The following SPAG16 variants were observed in gnomAD, a reference collection of about 807,000 sequenced individuals.
The protein encoded by SPAG16 is sperm-associated antigen 16 protein.
In SPAG16, 86 loss-of-function variants were observed where a neutral mutation model predicts 80.4. The ratio of observed to expected loss-of-function variants is 1.07; its 90% CI spans 0.90 to 1.28. The LOEUF (loss-of-function observed/expected upper bound fraction) is 1.28. Ranked by LOEUF, SPAG16 falls within the 50% of genes most tolerant of loss-of-function variation. SPAG16 has a pLI of 0.00. For missense variants in SPAG16, 870 were observed against 765.3 expected (o/e 1.14, Z -1.61); for synonymous variants, 294 against 265.9 (o/e 1.11, Z -1.03).
chr2:213,961,241 G>A (rs1430694384), intron 12 of SPAG16, among the ~76,000 whole-genome samples: 1 of 152,018 alleles, frequency 6.6e-6, no homozygotes, highest in Non-Finnish European at 1.5e-5. Context: ...ATTGATATTT[G>A]TATATTGCTC....
At chr2:214,273,592 G>T (rs986931499) in intron 15 of SPAG16, among the ~76,000 whole-genome samples, 1 of 152,040 alleles carries the variant, frequency 6.6e-6, no homozygotes, top group Non-Finnish European at 1.5e-5. Flanking sequence ...GTTTGTCAAA[G>T]ATCAGATTAT....
intron 13 of SPAG16, among the ~76,000 whole-genome samples, chr2:214,047,181 C>A (rs1166916467): frequency 6.6e-6 from 1 of 151,996 alleles, no homozygotes; most frequent in Non-Finnish European, 1.5e-5. Flanking sequence ...ATAGAAAAAA[C>A]AGTCCTAATA....
At chr2:214,157,325 G>C (rs893949911) in intron 15 of SPAG16, among the ~76,000 whole-genome samples, 13 of 151,980 alleles carry the variant, frequency 8.6e-5, no homozygotes, top group Admixed American at 2.0e-4. Context: ...GTAAAAGTCA[G>C]AATTGCATTT....
At chr2:213,338,069 C>T (rs1447976537) in intron 5 of SPAG16, among the ~76,000 whole-genome samples, 1 of 152,186 alleles carries the variant, frequency 6.6e-6, no homozygotes, top group African/African-American at 2.4e-5. Flanking sequence ...CAATATTCGA[C>T]ACTCTTAAAA....
intron 5 of SPAG16, among the ~76,000 whole-genome samples, chr2:213,320,258 A>G (rs1335470244): frequency 1.3e-5 from 2 of 151,994 alleles, no homozygotes; most frequent in Admixed American, 6.6e-5. Flanking sequence ...ATAATTGTAC[A>G]TGTGATATTT....
chr2:213,482,833 G>T, intron 9 of SPAG16, among the ~76,000 whole-genome samples: 1 of 152,068 alleles, frequency 6.6e-6, no homozygotes, highest in East Asian at 1.9e-4. Context: ...ATATTAAATA[G>T]ATAAGCCATT....
chr2:213,882,884 T>A (rs2076399534), intron 11 of SPAG16, among the ~76,000 whole-genome samples: 1 of 152,216 alleles, frequency 6.6e-6, no homozygotes, highest in Non-Finnish European at 1.5e-5. Context: ...TGTTTTTGTT[T>A]TTTTGAGACG....
At position 213,858,850 on chromosome 2, in the gene SPAG16, T is replaced by C. The variant is rs568471750; in HGVS notation, c.1071-3635T>C. Among the ~76,000 whole-genome samples the C allele has an allele frequency of 6.6e-5, 10 of 152,158 alleles. 2 individuals are homozygous for C. Among genetic ancestry groups the C allele is most frequent in the African/African-American group, 2.4e-4 (10 of 41,524 alleles). Reference sequence around the variant, plus strand: ...TGGAATCAATGATTATTAAGTATTGTTCTACATTTATTTTTAGAGACCTCT... The same window carrying C: ...TGGAATCAATGATTATTAAGTATTGCTCTACATTTATTTTTAGAGACCTCT... On this transcript the variant is annotated intron_variant, in intron 10 of 15. Transcript: ENST00000331683.
intron 15 of SPAG16, among the ~76,000 whole-genome samples, chr2:214,350,325 G>T (rs1197073217): frequency 1.3e-5 from 2 of 152,052 alleles, no homozygotes; most frequent in African/African-American, 4.8e-5. Context: ...CTTTGATATT[G>T]TCCCACAGGG....
intron 11 of SPAG16, 67 bp from the exon 12 acceptor site, chr2:213,929,892 AG>A: frequency 7.3e-7 from 1 of 1,376,680 alleles, no homozygotes; most frequent in Non-Finnish European, 1.0e-6. Flanking sequence ...AATTACTCAT[AG>A]AATGCAGTAT....
chr2:213,724,789 AAAAAAAAAAAAAG>A (rs2066686260), intron 10 of SPAG16, among the ~76,000 whole-genome samples: 8 of 129,378 alleles, frequency 6.2e-5, no homozygotes, highest in South Asian at 5.3e-4. Context: ...AAAAAAAAAA[AAAAAAAAAAAAAG>A]AAAAAAGGAT....
chr2:213,564,928 A>C (rs1419321675), intron 10 of SPAG16, among the ~76,000 whole-genome samples: 1 of 152,240 alleles, frequency 6.6e-6, no homozygotes, highest in African/African-American at 2.4e-5. Flanking sequence ...TGCACATTTA[A>C]TTACATCACA....
Position 213,497,092 on chromosome 2 carries a change from T to A in SPAG16, c.1070+7002T>A, listed in dbSNP as rs987699117. On this transcript the variant is annotated intron_variant, in intron 10 of 15. Transcript: ENST00000331683. The stretch of plus-strand genomic sequence containing the variant: ...CTTATAAGTATTTTACAGAATAATT[T>A]AAAATATTTTCTATAATATAAAGAT... Among the ~76,000 whole-genome samples the A allele has an allele frequency of 4.6e-5, 7 of 152,116 alleles. No homozygotes were observed. The East Asian group carries it at 1.2e-3, about 25-fold the overall frequency.
chr2:214,107,615 T>C (rs1188216666), intron 13 of SPAG16, among the ~76,000 whole-genome samples: 1 of 152,210 alleles, frequency 6.6e-6, no homozygotes. Flanking sequence ...TTAGCTATTA[T>C]TTGGATAAGT....
intron 10 of SPAG16, among the ~76,000 whole-genome samples, chr2:213,847,596 C>A (rs551143417): frequency 4.6e-5 from 7 of 152,300 alleles, no homozygotes; most frequent in African/African-American, 1.7e-4. Flanking sequence ...GATCCAAACA[C>A]CCTACACCAG....
chr2:213,863,141 T>A (rs1295769262), intron 11 of SPAG16, among the ~76,000 whole-genome samples: 2 of 149,366 alleles, frequency 1.3e-5, no homozygotes, highest in African/African-American at 5.1e-5. Context: ...AATTCATTTG[T>A]ACCTAAAAGA....
At chr2:214,303,894 A>T (rs1694734457) in intron 15 of SPAG16, among the ~76,000 whole-genome samples, 1 of 152,170 alleles carries the variant, frequency 6.6e-6, no homozygotes, top group Non-Finnish European at 1.5e-5. Context: ...TTACATGTGC[A>T]GGTTTGTTAC....
intron 10 of SPAG16, among the ~76,000 whole-genome samples, chr2:213,545,744 T>A (rs1246932637): frequency 6.6e-6 from 1 of 152,172 alleles, no homozygotes; most frequent in Non-Finnish European, 1.5e-5. Context: ...TTGGTGATCA[T>A]TGTCTCACCA....
At chr2:213,520,086 A>AAG (rs35798649) in intron 10 of SPAG16, among the ~76,000 whole-genome samples, 42,362 of 148,408 alleles carry the variant, frequency 0.29, 6,649 homozygotes, top group Middle Eastern at 0.43. Context: ...GAGCAAGAGC[A>AAG]AGAGAGAGAG....
Sources: gnomAD v4.1 joint callset for allele counts (sites outside exome capture counted in the v4.1 genomes callset) on GRCh38, gnomAD v4.1.1 for gene constraint, MANE v1.5 for transcripts, NCBI Gene and HGNC (gene_info 2026-07-23, HGNC 2026-07-21) for gene names.